Variants in ATP6V0A1 observed in about 807,000 individuals in gnomAD.
ATP6V0A1 encodes the protein ATPase H+ transporting V0 subunit a1.
ATP6V0A1 carries 43 observed loss-of-function variants against 105.4 expected under a neutral mutation model. The ratio of observed to expected loss-of-function variants is 0.41; its 90% CI spans 0.32 to 0.53. The LOEUF is 0.53. Among genes scored for constraint, ATP6V0A1 ranks in the 20% least tolerant of loss-of-function variants. ATP6V0A1 has a pLI of 0.30. For synonymous variants in ATP6V0A1, 362 were observed against 372.8 expected (o/e 0.97, Z 0.33); for missense variants, 676 against 1,051.1 (o/e 0.64, Z 4.93).
In ATP6V0A1 at chr17:42,521,060, C is replaced by T. The variant is rs772848284; in HGVS notation, c.2454C>T (p.Thr818=). The change falls in exon 22 of 22, where the codon ACC becomes ACT. Residue 818 remains threonine, a synonymous_variant. Transcript: ENST00000343619. The surrounding 1 kb of genome is among the most constrained non-coding windows in gnomAD (Gnocchi z 4.8). Reference sequence around the variant, plus strand: ...TCCAGAATAAATTCTACAGCGGGACCGGTTTCAAGTTCTTACCCTTCTCCT... The same window carrying T: ...TCCAGAATAAATTCTACAGCGGGACTGGTTTCAAGTTCTTACCCTTCTCCT... ...VEFQNKFYSG[T]GFKFLPFSFE... The T allele has an allele frequency of 1.4e-5, 22 of 1,609,006 alleles. No homozygotes were observed. Among genetic ancestry groups the T allele is most frequent in the Middle Eastern group, 3.3e-4 (2 of 6,068 alleles).
intron 14 of ATP6V0A1, 86 bp downstream of exon 14, chr17:42,495,802 T>C: frequency 8.3e-7 from 1 of 1,209,094 alleles, no homozygotes. Context: ...GATAAATAGT[T>C]ATGTGGGCTT....
At chr17:42,513,678 C>A in intron 19 of ATP6V0A1, 183 bp from the exon 20 acceptor site, 1 of 608,052 alleles carries the variant, frequency 1.6e-6, no homozygotes, top group Non-Finnish European at 2.9e-6. Context: ...GAAGGCATTG[C>A]CGAAATCACC....
intron 5 of ATP6V0A1, among the ~76,000 whole-genome samples, chr17:42,474,119 C>T (rs1027528832): frequency 3.9e-5 from 6 of 152,052 alleles, no homozygotes; most frequent in Middle Eastern, 3.4e-3. Flanking sequence ...TCTCCTGCCT[C>T]AGCCTCCCGA....
chr17:42,478,325 C>T (rs1011930033), intron 6 of ATP6V0A1, 138 bp from the exon 7 acceptor site: 4 of 521,088 alleles, frequency 7.7e-6, no homozygotes, highest in South Asian at 8.5e-5. Flanking sequence ...TGAACCTGCA[C>T]GTTGTGCACA....
In ATP6V0A1 at chr17:42,507,556, G is replaced by A. The variant is rs185595561; in HGVS notation, c.2041G>A (p.Gly681Arg). 21 of 1,613,598 alleles carry A rather than the reference G, an allele frequency of 1.3e-5. 1 individual carries two copies. The highest frequency in any genetic ancestry group is 1.2e-4 in the Admixed American group (7 of 59,988). ...CTTTGGTGGGATCAGGGTGGGCAACGGACCGACAGAGGAGGATGCTGAGAT... is the reference window on the plus strand; with the variant it reads ...CTTTGGTGGGATCAGGGTGGGCAACAGACCGACAGAGGAGGATGCTGAGAT... ...LNFGGIRVGN[G>R]PTEEDAEIIQ... Residue 681 changes from glycine to arginine, a missense_variant, in exon 18 of 22, where the codon GGA becomes AGA. Gly to Arg is a moderately radical substitution (Grantham distance 125). Around this residue, in one of 3 missense-constraint regions of ATP6V0A1, gnomAD observed 435 missense variants for 642.2 expected, o/e 0.68. Coordinates refer to ENST00000343619, the MANE Select transcript of ATP6V0A1 (RefSeq NM_001130021.3).
At chr17:42,520,422 T>G (rs2092792660) in intron 21 of ATP6V0A1, 1 of 456,434 alleles carries the variant, frequency 2.2e-6, no homozygotes, top group Non-Finnish European at 4.4e-6. Context: ...GAGCTCAGGC[T>G]TTTTCTTTTT....
intron 2 of ATP6V0A1, among the ~76,000 whole-genome samples, chr17:42,463,668 T>A (rs2145631973): frequency 1.3e-5 from 2 of 152,332 alleles, no homozygotes; most frequent in Middle Eastern, 6.8e-3. Context: ...TTTTGATTTT[T>A]CTTAAGCAAA....
chr17:42,501,287 T>G lies in ATP6V0A1; in HGVS notation c.1987T>G (p.Leu663Val). The change falls in exon 17 of 22, where the codon TTG (leucine) becomes GTG (valine). Residue 663 changes from leucine to valine, a missense_variant. Coordinates refer to ENST00000343619, the MANE Select transcript of ATP6V0A1 (RefSeq NM_001130021.3). ...ACCATTGGTCCTTCGCCGTCAGTAT[T>G]TGAGGAGAAAGCATTTGGTAGGTGT... Reference protein sequence around the residue: ...FKPLVLRRQYLRRKHLGTLNF... With the variant: ...FKPLVLRRQYVRRKHLGTLNF... 1 of 1,613,964 alleles carries G rather than the reference T, an allele frequency of 6.2e-7. No homozygotes were observed. Among genetic ancestry groups the G allele is most frequent in the South Asian group, 1.1e-5 (1 of 91,068 alleles).
intron 10 of ATP6V0A1, among the ~76,000 whole-genome samples, chr17:42,488,016 T>A (rs2090279045): frequency 6.6e-6 from 1 of 152,214 alleles, no homozygotes; most frequent in Non-Finnish European, 1.5e-5. Context: ...TCTCTGTATA[T>A]GACTGTTTCT....
chr17:42,476,213 A>G (rs1294203386), intron 5 of ATP6V0A1, among the ~76,000 whole-genome samples: 2 of 152,176 alleles, frequency 1.3e-5, no homozygotes, highest in African/African-American at 2.4e-5. Flanking sequence ...AACTTTTCCA[A>G]TCTCATGACA....
intron 2 of ATP6V0A1, among the ~76,000 whole-genome samples, chr17:42,461,640 G>T (rs942411880): frequency 6.6e-6 from 1 of 152,094 alleles, no homozygotes; most frequent in African/African-American, 2.4e-5. Context: ...GCATGGTGGC[G>T]CAGGCCTGTA....
chr17:42,470,495 T>G, intron 5 of ATP6V0A1: 1 of 304,626 alleles, frequency 3.3e-6, no homozygotes, highest in Non-Finnish European at 6.3e-6. Flanking sequence ...AGTATAAATT[T>G]TTACATTATA....
chr17:42,466,494 G>A lies in ATP6V0A1; in HGVS notation c.183G>A (p.Met61Ile). The change falls in exon 3 of 22, where the codon ATG becomes ATA. Residue 61 changes from methionine (M) to isoleucine (I), a missense_variant. Met to Ile is a conservative substitution (Grantham distance 10). Coordinates refer to ENST00000343619, the MANE Select transcript of ATP6V0A1 (RefSeq NM_001130021.3). ...ATGAAGTTAGAAGATGTGAAGAAAT[G>A]GATCGAAAGCTTCGTATGTGCACTT... The part of the protein sequence containing the change: ...FVNEVRRCEE[M>I]DRKLRFVEKE... 1 of 1,612,850 alleles carries A rather than the reference G, an allele frequency of 6.2e-7. No individual in the cohort carries two copies. The highest frequency in any genetic ancestry group is 8.5e-7 in the Non-Finnish European group (1 of 1,179,002).
chr17:42,509,743 C>G (rs2092253188), intron 19 of ATP6V0A1: 1 of 152,242 alleles, frequency 6.6e-6, no homozygotes, highest in Non-Finnish European at 1.5e-5. Flanking sequence ...GTCTGACCAA[C>G]TATTGTGTAC....
In ATP6V0A1 at chr17:42,487,196, G is replaced by A. The variant is rs1009033029; in HGVS notation, c.852G>A (p.Gln284=). The A allele has an allele frequency of 1.2e-6, 2 of 1,614,162 alleles. No individual in the cohort carries two copies. The change falls in exon 10 of 22, where the codon CAG becomes CAA. Residue 284 remains glutamine, a synonymous_variant. Transcript: ENST00000343619. ...AGGATCACCGCCAGAGGGTTCTGCAGGCAGCTGCTAAGAACATCCGTGTCT... is the reference window on the plus strand; with the variant it reads ...AGGATCACCGCCAGAGGGTTCTGCAAGCAGCTGCTAAGAACATCCGTGTCT... ...QTEDHRQRVL[Q]AAAKNIRVWF...
chr17:42,485,573 A>G (rs2090028248), intron 9 of ATP6V0A1, among the ~76,000 whole-genome samples: 1 of 146,114 alleles, frequency 6.8e-6, no homozygotes, highest in South Asian at 2.2e-4. Context: ...GTTTTGTTTT[A>G]AAGACAGATC....
chr17:42,501,968 AG>A (rs1020988240), intron 17 of ATP6V0A1, among the ~76,000 whole-genome samples: 5 of 152,076 alleles, frequency 3.3e-5, no homozygotes, highest in Non-Finnish European at 5.9e-5. Context: ...TGAGAGGCGG[AG>A]GTTGCAGTCA....
chr17:42,495,772 A>G (rs2091100544), intron 14 of ATP6V0A1, 56 bp downstream of exon 14: 2 of 1,396,120 alleles, frequency 1.4e-6, no homozygotes, highest in African/African-American at 2.8e-5. Context: ...CTAACCCTGA[A>G]GCAAGAGAAT....
rs149532492 is a variant in ATP6V0A1 at position 42,482,195 on chromosome 17, A to G, written c.717-843A>G. Among the ~76,000 whole-genome samples the G allele has an allele frequency of 4.5e-3, 683 of 151,682 alleles. 6 individuals carry two copies. The highest frequency in any genetic ancestry group is 0.016 in the African/African-American group (649 of 41,348). On this transcript the variant is annotated intron_variant, in intron 8 of 21. Transcript: ENST00000343619. ...AGGGTCTCACTCTGTTGCCCAGGCT[A>G]AAGTGCAGTGGCATGATCACAGCTC...
Sources: allele counts gnomAD v4.1 joint callset (sites outside exome capture counted in the v4.1 genomes callset), GRCh38; gene constraint gnomAD v4.1.1; regional missense constraint gnomAD v4.1.1; non-coding constraint Gnocchi (gnomAD v3.1); transcripts MANE v1.5; gene names NCBI Gene and HGNC (gene_info 2026-07-23, HGNC 2026-07-21).